The following RAB38 variants were observed in gnomAD, a reference collection of about 807,000 sequenced individuals.
RAB38 encodes ras-related protein Rab-38.
A neutral mutation model predicts 18.4 loss-of-function variants in RAB38; 15 were observed. The ratio of observed to expected loss-of-function variants is 0.82; its 90% CI spans 0.55 to 1.26. The LOEUF (loss-of-function observed/expected upper bound fraction) is 1.26, where lower values mean the gene tolerates loss of function less well. Among genes scored for constraint, RAB38 ranks in the 50% most tolerant of loss-of-function variants. The pLI, the probability that RAB38 is intolerant of heterozygous loss-of-function variation, is 0.00. For missense variants in RAB38, 294 were observed against 267.4 expected (o/e 1.10, Z -0.69); for synonymous variants, 101 against 104.4 (o/e 0.97, Z 0.20).
the RAB38 span, among the ~76,000 whole-genome samples, chr11:88,085,875 A>G: frequency 5.3e-5 from 8 of 151,888 alleles, no homozygotes; most frequent in Non-Finnish European, 1.2e-4. Context: ...ACAGAAGGAG[A>G]AGAGTTGAGG....
At chr11:87,935,063 C>G in the RAB38 span, among the ~76,000 whole-genome samples, 63 of 152,164 alleles carry the variant, frequency 4.1e-4, no homozygotes, top group Non-Finnish European at 2.9e-5. Context: ...GGTCTCTCCT[C>G]CCTTCTTCTT....
chr11:88,026,046 C>T, the RAB38 span, among the ~76,000 whole-genome samples: 1 of 151,918 alleles, frequency 6.6e-6, no homozygotes. Flanking sequence ...CTCACTGCAA[C>T]CTCTGCCTCC....
rs1943374466 is a variant in RAB38, at chr11:88,175,303, G to A, written c.82C>T (p.Arg28Cys). 1.2e-6 allele frequency: 2 copies of A among 1,614,096 alleles called. No homozygotes were observed. Among genetic ancestry groups the A allele is most frequent in the African/African-American group, 1.3e-5 (1 of 74,948 alleles). Residue 28 changes from arginine (R) to cysteine (C), a missense_variant, in exon 1 of 3, where the codon CGC (arginine) becomes TGC (cysteine). Coordinates refer to ENST00000243662, the MANE Select transcript of RAB38 (RefSeq NM_022337.3). ...LGVGKTSIIK[R>C]YVHQNFSSHY... ...GAAGAGAAGTTCTGGTGCACGTAGC[G>A]CTTGATGATACTGGTCTTCCCCACG...
chr11:87,844,827 A>C, the RAB38 span, among the ~76,000 whole-genome samples: 2 of 152,144 alleles, frequency 1.3e-5, no homozygotes, highest in Non-Finnish European at 2.9e-5. Context: ...ACAGACCCAA[A>C]CCAACATTGT....
the RAB38 span, among the ~76,000 whole-genome samples, chr11:87,805,751 A>C: frequency 1.3e-5 from 2 of 152,096 alleles, no homozygotes; most frequent in Non-Finnish European, 2.9e-5. Flanking sequence ...ATATATACAC[A>C]TACATATATG....
At chr11:88,134,459 C>A (rs1318293656) in intron 2 of RAB38, among the ~76,000 whole-genome samples, 1 of 152,058 alleles carries the variant, frequency 6.6e-6, no homozygotes, top group African/African-American at 2.4e-5. Flanking sequence ...CCAGGCTGGT[C>A]GCAAACTCTT....
the RAB38 span, among the ~76,000 whole-genome samples, chr11:87,960,120 G>A: frequency 6.6e-6 from 1 of 152,080 alleles, no homozygotes; most frequent in East Asian, 1.9e-4. Flanking sequence ...CCATTTTCAG[G>A]GCTTTTAAAT....
the RAB38 span, among the ~76,000 whole-genome samples, chr11:87,873,908 A>ATGTGTG: frequency 1.7e-4 from 17 of 99,206 alleles, no homozygotes; most frequent in African/African-American, 5.6e-4. Flanking sequence ...ATATATATAT[A>ATGTGTG]TGTGTGTGTG....
chr11:88,111,087 G>A (rs1396252200), downstream of RAB38, among the ~76,000 whole-genome samples: 1 of 152,204 alleles, frequency 6.6e-6, no homozygotes, highest in Non-Finnish European at 1.5e-5. Flanking sequence ...CATACGTGAT[G>A]CCATAATTAA....
At position 88,140,378 on chromosome 11, in the gene RAB38, C is replaced by T. The variant is rs1942894606; in HGVS notation, c.483+9297G>A. Among the ~76,000 whole-genome samples the T allele has an allele frequency of 2.6e-5, 4 of 152,264 alleles. No homozygotes were observed. The South Asian group carries it at 8.3e-4, about 32-fold the overall frequency. On this transcript the variant is annotated intron_variant, in intron 2 of 2. Coordinates refer to ENST00000243662, the MANE Select transcript of RAB38 (RefSeq NM_022337.3). ...ACATAAATACTCCGCACGGGCAGGG[C>T]CAAGAATAATAGAATAAAATAATCT...
At chr11:87,939,277 C>G in the RAB38 span, among the ~76,000 whole-genome samples, 4 of 151,738 alleles carry the variant, frequency 2.6e-5, no homozygotes, top group Non-Finnish European at 5.9e-5. Context: ...AGATAAAATC[C>G]ATTGATACAT....
the RAB38 span, among the ~76,000 whole-genome samples, chr11:87,951,137 C>A: frequency 6.6e-6 from 1 of 152,122 alleles, no homozygotes; most frequent in Non-Finnish European, 1.5e-5. Context: ...TCATTCATTT[C>A]ATCTTCCATC....
the RAB38 span, among the ~76,000 whole-genome samples, chr11:88,035,041 T>G: frequency 2.6e-4 from 39 of 152,330 alleles, no homozygotes; most frequent in East Asian, 7.5e-3. Context: ...GTAGTGGACC[T>G]CACTAGGTTT....
chr11:88,156,632 G>T (rs1402036977), intron 1 of RAB38, among the ~76,000 whole-genome samples: 1 of 152,198 alleles, frequency 6.6e-6, no homozygotes, highest in Non-Finnish European at 1.5e-5. Flanking sequence ...AACCTGGGAG[G>T]TGGAGGTTGC....
the RAB38 span, among the ~76,000 whole-genome samples, chr11:87,951,366 G>A: frequency 5.3e-5 from 8 of 151,988 alleles, no homozygotes; most frequent in African/African-American, 1.9e-4. Context: ...GGAGTAGTTT[G>A]ATCATCTGAA....
the RAB38 span, among the ~76,000 whole-genome samples, chr11:87,904,143 G>T: frequency 6.6e-6 from 1 of 151,588 alleles, no homozygotes; most frequent in East Asian, 1.9e-4. Context: ...ATGCCAGTTT[G>T]TTATTGGGTA....
At chr11:88,141,714 C>A (rs1246767499) in intron 2 of RAB38, among the ~76,000 whole-genome samples, 4 of 152,178 alleles carry the variant, frequency 2.6e-5, no homozygotes, top group Non-Finnish European at 5.9e-5. Flanking sequence ...TCCCCTCCAC[C>A]TTATCCTTCA....
chr11:88,121,813 C>A (rs1437765454), intron 2 of RAB38, among the ~76,000 whole-genome samples: 1 of 152,062 alleles, frequency 6.6e-6, no homozygotes, highest in Non-Finnish European at 1.5e-5. Context: ...CTGCTCACCT[C>A]GGCCTCCCAA....
the RAB38 span, among the ~76,000 whole-genome samples, chr11:87,950,023 C>G: frequency 1.3e-5 from 2 of 152,136 alleles, no homozygotes; most frequent in Non-Finnish European, 2.9e-5. Context: ...GTGTGGGAGT[C>G]TAAGTTTCTT....
Sources: gnomAD v4.1 joint callset for allele counts (sites outside exome capture counted in the v4.1 genomes callset) on GRCh38, gnomAD v4.1.1 for gene constraint, MANE v1.5 for transcripts, NCBI Gene and HGNC (gene_info 2026-07-23, HGNC 2026-07-21) for gene names.